PHGDH: variants seen among roughly 807,000 people sequenced by gnomAD.
PHGDH encodes D-3-phosphoglycerate dehydrogenase.
In PHGDH, 50 loss-of-function variants were observed where a neutral mutation model predicts 52.6. The observed-to-expected ratio is 0.95, with a 90% CI of 0.76 to 1.20. PHGDH has a LOEUF of 1.20. Ranked by LOEUF, PHGDH falls within the 50% of genes most tolerant of loss-of-function variation. PHGDH has a pLI of 0.00. For missense variants in PHGDH, 630 were observed against 684.6 expected (o/e 0.92, Z 0.89); for synonymous variants, 271 against 280.5 (o/e 0.97, Z 0.34).
In PHGDH at chr1:119,735,326, C is replaced by T; in HGVS notation, c.675C>T (p.Cys225=). 1 of 1,614,200 alleles carries T rather than the reference C, an allele frequency of 6.2e-7. No individual in the cohort carries two copies. Among genetic ancestry groups the T allele is most frequent in the Non-Finnish European group, 8.5e-7 (1 of 1,180,038 alleles). Residue 225 remains cysteine, a synonymous_variant, in exon 7 of 12, where the codon TGC becomes TGT. Coordinates refer to ENST00000641023, the MANE Select transcript of PHGDH (RefSeq NM_006623.4). ...GLLNDNTFAQ[C]KKGVRVVNCA... ...TGAATGACAACACCTTTGCCCAGTG[C>T]AAGAAGGGGGTGCGTGTGGTGAACT...
chr1:119,731,235 C>T (rs1651676519), intron 5 of PHGDH, among the ~76,000 whole-genome samples: 4 of 152,160 alleles, frequency 2.6e-5, no homozygotes, highest in Admixed American at 2.6e-4. Flanking sequence ...TGTGGCCTGA[C>T]CTGCAGCCTA....
chr1:119,736,013 T>G (rs929523655), intron 7 of PHGDH, among the ~76,000 whole-genome samples: 3 of 152,154 alleles, frequency 2.0e-5, no homozygotes, highest in Admixed American at 6.5e-5. Context: ...TGCACTCGAA[T>G]CCTTTTGGCT....
intron 5 of PHGDH, chr1:119,734,201 C>A: frequency 3.2e-6 from 1 of 315,990 alleles, no homozygotes; most frequent in Non-Finnish European, 6.1e-6. Flanking sequence ...TACATGACTG[C>A]CCTCCCTCCC....
chr1:119,737,319 G>A, intron 8 of PHGDH, 53 bp downstream of exon 8: 2 of 1,523,630 alleles, frequency 1.3e-6, no homozygotes, highest in Non-Finnish European at 1.8e-6. Context: ...AGGAGAGGAA[G>A]GAAGGCATCT....
chr1:119,737,184 C>G lies in PHGDH; in HGVS notation c.863C>G (p.Thr288Ser). ...VISCPHLGAS[T>S]KEAQSRCGEE... is the part of the protein sequence containing the mutation. ...AGCTGTCCCCACCTGGGTGCCAGCA[C>G]CAAGGAGGCTCAGAGCCGCTGTGGG... Residue 288 changes from threonine (T) to serine (S), a missense_variant, in exon 8 of 12, where the codon ACC (threonine) becomes AGC (serine). Physicochemically the swap from Thr to Ser is moderately conservative, Grantham distance 58. Transcript: ENST00000641023. The G allele has an allele frequency of 6.2e-7, 1 of 1,614,028 alleles. No homozygotes were observed. The highest frequency in any genetic ancestry group is 8.5e-7 in the Non-Finnish European group (1 of 1,179,900).
chr1:119,726,487 G>A (rs1651420667), intron 3 of PHGDH: 1 of 388,616 alleles, frequency 2.6e-6, no homozygotes, highest in Non-Finnish European at 4.9e-6. Flanking sequence ...TGGAGTACTC[G>A]ATGTCATCAG....
intron 3 of PHGDH, chr1:119,724,659 ATT>A (rs34327221): frequency 7.6e-3 from 2,615 of 344,284 alleles, no homozygotes; most frequent in Middle Eastern, 0.013. Flanking sequence ...ACCTTCAGGG[ATT>A]TTTTTTTTTT....
intron 7 of PHGDH, among the ~76,000 whole-genome samples, chr1:119,736,312 C>T (rs1359094401): frequency 2.0e-5 from 3 of 152,152 alleles, no homozygotes; most frequent in Non-Finnish European, 4.4e-5. Flanking sequence ...CTCCCTAACA[C>T]AGCACCTTCT....
chr1:119,735,445 T>C lies in PHGDH; in HGVS notation c.792+2T>C. ...GCTGCACTGGACGTGTTTACGGAAG[T>C]AAGTGCCTGGCAGCCTCAGCGTCAG... On this transcript the variant is annotated splice_donor_variant, in intron 7 of 11. Coordinates refer to ENST00000641023, the MANE Select transcript of PHGDH (RefSeq NM_006623.4). LOFTEE classifies it high-confidence loss of function. 6.2e-7 allele frequency: 1 copy of C among 1,611,998 alleles called. No individual in the cohort carries two copies. Among genetic ancestry groups the C allele is most frequent in the Non-Finnish European group, 8.5e-7 (1 of 1,179,938 alleles).
chr1:119,741,648 T>C, intron 9 of PHGDH, 119 bp from the exon 10 acceptor site: 2 of 922,484 alleles, frequency 2.2e-6, no homozygotes, highest in Non-Finnish European at 3.6e-6. Context: ...GCAAGCTGCC[T>C]TTGGGGTCCC....
chr1:119,742,695 A>G (rs1209636197), intron 10 of PHGDH, 112 bp from the exon 11 acceptor site: 1 of 744,612 alleles, frequency 1.3e-6, no homozygotes, highest in Non-Finnish European at 2.4e-6. Context: ...ATTACTGAGC[A>G]CATTATCCAG....
Position 119,744,067 on chromosome 1 carries a change from T to C in PHGDH, c.*27T>C, listed in dbSNP as rs1292895094. On this transcript the variant is annotated 3_prime_UTR_variant, in exon 12 of 12. Transcript: ENST00000641023. The stretch of plus-strand genomic sequence containing the variant: ...CTTGGAGCTCACTGGTCCCTGCCTC[T>C]GGGGCTTTTCTGAAGAAACCCACCC... 6.2e-7 allele frequency: 1 copy of C among 1,611,884 alleles called. No individual in the cohort carries two copies. Among genetic ancestry groups the C allele is most frequent in the African/African-American group, 1.3e-5 (1 of 74,882 alleles).
intron 5 of PHGDH, among the ~76,000 whole-genome samples, chr1:119,727,845 A>C (rs1651514215): frequency 1.3e-5 from 2 of 152,044 alleles, no homozygotes; most frequent in East Asian, 3.9e-4. Flanking sequence ...AAAAACAGAA[A>C]CAAAAACAAA....
chr1:119,742,269 C>T, intron 10 of PHGDH: 1 of 376,722 alleles, frequency 2.7e-6, no homozygotes, highest in South Asian at 2.3e-5. Flanking sequence ...TCTTGATTCA[C>T]TTGCAAGCTC....
chr1:119,734,974 T>C (rs1651868221), intron 6 of PHGDH: 1 of 647,932 alleles, frequency 1.5e-6, no homozygotes. Flanking sequence ...CTAGGTAAGC[T>C]GGGCACAGGG....
Position 119,734,730 on chromosome 1 carries a change from A to G in PHGDH, c.607A>G (p.Ile203Val), listed in dbSNP as rs748268132. ...GGAGATCTGGCCTCTCTGTGATTTC[A>G]TCACTGTGCACACTCCTCTCCTGCC... ...LEEIWPLCDF[I>V]TVHTPLLPST... Residue 203 changes from isoleucine to valine, a missense_variant, in exon 6 of 12, where the codon ATC becomes GTC. Ile to Val is a conservative substitution (Grantham distance 29). Coordinates refer to ENST00000641023, the MANE Select transcript of PHGDH (RefSeq NM_006623.4). The G allele has an allele frequency of 1.6e-5, 26 of 1,613,700 alleles. No homozygotes were observed. In the South Asian group the frequency reaches 2.5e-4, roughly 16 times the overall value.
At chr1:119,732,142 GTTC>G (rs1651721403) in intron 5 of PHGDH, among the ~76,000 whole-genome samples, 1 of 152,190 alleles carries the variant, frequency 6.6e-6, no homozygotes, top group Non-Finnish European at 1.5e-5. Context: ...GACGGTGAGG[GTTC>G]TTCTTCAGAG....
chr1:119,737,338 C>T, intron 8 of PHGDH, 72 bp downstream of exon 8: 1 of 1,322,264 alleles, frequency 7.6e-7, no homozygotes, highest in Non-Finnish European at 1.1e-6. Flanking sequence ...CTTGTAGGGG[C>T]TGGTGGCAGC....
chr1:119,738,885 A>G (rs1571015472), intron 8 of PHGDH, among the ~76,000 whole-genome samples: 1 of 152,258 alleles, frequency 6.6e-6, no homozygotes, highest in Non-Finnish European at 1.5e-5. Context: ...AGTTCCATCA[A>G]ATGGACCACA....
Sources: allele counts gnomAD v4.1 joint callset (sites outside exome capture counted in the v4.1 genomes callset), GRCh38; gene constraint gnomAD v4.1.1; transcripts MANE v1.5; gene names NCBI Gene and HGNC (gene_info 2026-07-23, HGNC 2026-07-21).